Variants in WDR33 observed in about 807,000 individuals in gnomAD.
WDR33 encodes the protein pre-mRNA 3' end processing protein WDR33.
Under a neutral mutation model 164.9 loss-of-function variants are expected in WDR33, and 47 were observed. That is an observed-to-expected ratio of 0.29 (90% CI 0.23 to 0.36). The LOEUF is 0.36. Ranked by LOEUF, WDR33 falls within the 10% of genes least tolerant of loss-of-function variation. The pLI, the probability that WDR33 is intolerant of heterozygous loss-of-function variation, is 1.00. For missense variants in WDR33, 1,137 were observed against 1,754.1 expected (o/e 0.65, Z 6.28); for synonymous variants, 505 against 589.0 (o/e 0.86, Z 2.06).
At position 127,764,259 on chromosome 2, in the gene WDR33, A is replaced by G. The variant is rs1397846670; in HGVS notation, c.626+569T>C. On this transcript the variant is annotated intron_variant, in intron 6 of 21. Transcript: ENST00000322313. The surrounding 1 kb of genome is among the most constrained non-coding windows in gnomAD (Gnocchi z 6.2). The stretch of plus-strand genomic sequence containing the variant: ...AGAAAAGTCCTAGAGTCTTCTTGAC[A>G]ATGATCTGCTTACAGCTGCAAAGCT... 4 of 1,201,818 alleles carry G rather than the reference A, an allele frequency of 3.3e-6. No homozygotes were observed. The highest frequency in any genetic ancestry group is 1.0e-6 in the Non-Finnish European group (1 of 966,570). 74.4% of individuals were successfully genotyped at this position (1,201,818 alleles called of 1,614,324 possible).
rs573015934 is a variant in WDR33, at chr2:127,764,974, G to A, written c.480C>T (p.His160=). The part of the protein sequence containing the change: ...TFNFETILQA[H]DSPVRAMTWS... Reference sequence around the variant, plus strand: ...ACGTCATGGCCCTCACTGGGCTGTCGTGAGCCTGTGAAAGCAGAAAACATT... The same window carrying A: ...ACGTCATGGCCCTCACTGGGCTGTCATGAGCCTGTGAAAGCAGAAAACATT... The change falls in exon 6 of 22, where the codon CAC becomes CAT. Residue 160 remains histidine (H), a synonymous_variant. Transcript: ENST00000322313. The surrounding 1 kb of genome is among the most constrained non-coding windows in gnomAD (Gnocchi z 6.2). 19 of 1,613,416 alleles carry A rather than the reference G, an allele frequency of 1.2e-5. No individual in the cohort carries two copies. The highest frequency in any genetic ancestry group is 1.6e-5 in the Non-Finnish European group (19 of 1,179,766).
Position 127,738,103 on chromosome 2 carries a change from GTATC to G in WDR33, c.725-11330_725-11327del. 1 of 1,545,304 alleles carries G rather than the reference GTATC, an allele frequency of 6.5e-7. No homozygotes were observed. Among genetic ancestry groups the G allele is most frequent in the Non-Finnish European group, 8.7e-7 (1 of 1,144,176 alleles). On this transcript the variant is annotated intron_variant, in intron 7 of 21. Transcript: ENST00000322313. This position sits in a 1 kb window ranked among gnomAD's most constrained non-coding sequence, Gnocchi z 4.4. ...GAACTCTTAAATACTGTGCAGGCAGGTATCTATCACATGAGCCCTGGCAGATTGT... is the reference window on the plus strand; with the variant it reads ...GAACTCTTAAATACTGTGCAGGCAGGTATCACATGAGCCCTGGCAGATTGT...
chr2:127,810,136 C>G (rs1689597521), intron 1 of WDR33, among the ~76,000 whole-genome samples: 1 of 152,142 alleles, frequency 6.6e-6, no homozygotes, highest in Non-Finnish European at 1.5e-5. Flanking sequence ...AAAGTCTACG[C>G]TCCCCAGAGT....
rs1686503606 is a variant in WDR33, at chr2:127,723,984, G to A, written c.1196+349C>T. ...CTCAGCTACTCAGGAGGCTGAGGTA[G>A]GAGGATCACCTGAGCCCAGGAAGGT... On this transcript the variant is annotated intron_variant, in intron 11 of 21. Coordinates refer to ENST00000322313, the MANE Select transcript of WDR33 (RefSeq NM_018383.5). The surrounding 1 kb of genome is among the most constrained non-coding windows in gnomAD (Gnocchi z 5.9). 2.6e-5 allele frequency among the ~76,000 whole-genome samples: 4 copies of A among 152,088 alleles called. No homozygotes were observed. The South Asian group carries it at 8.3e-4, about 31-fold the overall frequency.
chr2:127,722,097 T>C lies in WDR33; in HGVS notation c.1519-109A>G. ...CTGCTCAATCTAACCTCTGAACCGA[T>C]TTTATTTCTTTTTACCTTTTCTCCA... On this transcript the variant is annotated intron_variant, in intron 14 of 21. Transcript: ENST00000322313. This position sits in a 1 kb window ranked among gnomAD's most constrained non-coding sequence, Gnocchi z 5.1. 1 of 1,233,832 alleles carries C rather than the reference T, an allele frequency of 8.1e-7. No homozygotes were observed. The highest frequency in any genetic ancestry group is 1.1e-6 in the Non-Finnish European group (1 of 899,918). 76.4% of individuals were successfully genotyped at this position (1,233,832 alleles called of 1,614,324 possible).
rs201983432 is a variant in WDR33, at chr2:127,730,894, C to T, written c.725-4117G>A. Reference sequence around the variant, plus strand: ...TATATTTTGTGTGTGTGTGAACTCTCGATTTTTTTTGTTTGTTTGTTTGTT... The same window carrying T: ...TATATTTTGTGTGTGTGTGAACTCTTGATTTTTTTTGTTTGTTTGTTTGTT... On this transcript the variant is annotated intron_variant, in intron 7 of 21. Transcript: ENST00000322313. Among the ~76,000 whole-genome samples the T allele has an allele frequency of 2.6e-5, 4 of 150,988 alleles. No individual in the cohort carries two copies. In the East Asian group the frequency reaches 7.8e-4, roughly 29 times the overall value.
chr2:127,769,363 G>T (rs983463825), intron 2 of WDR33, among the ~76,000 whole-genome samples: 1 of 151,910 alleles, frequency 6.6e-6, no homozygotes, highest in Admixed American at 6.6e-5. Context: ...CCAGGGAGGC[G>T]GAGGTTGCAG....
intron 1 of WDR33, among the ~76,000 whole-genome samples, chr2:127,807,270 T>C (rs1689473558): frequency 6.6e-6 from 1 of 152,152 alleles, no homozygotes; most frequent in Non-Finnish European, 1.5e-5. Flanking sequence ...CCTCCCAAAG[T>C]GCTGGGATTA....
intron 2 of WDR33, among the ~76,000 whole-genome samples, chr2:127,769,938 T>C (rs1687943591): frequency 6.6e-6 from 1 of 152,192 alleles, no homozygotes; most frequent in Non-Finnish European, 1.5e-5. Flanking sequence ...CTGCCTTGCC[T>C]TTACTTACTA....
At chr2:127,788,405 G>A (rs1325702091) in intron 1 of WDR33, among the ~76,000 whole-genome samples, 1 of 124,406 alleles carries the variant, frequency 8.0e-6, no homozygotes, top group Non-Finnish European at 1.7e-5. Context: ...CGGACGGGGC[G>A]GCTGGCCGGG....
chr2:127,729,791 G>A (rs955324124), intron 7 of WDR33, among the ~76,000 whole-genome samples: 1 of 152,126 alleles, frequency 6.6e-6, no homozygotes, highest in Non-Finnish European at 1.5e-5. Context: ...CACTGCACCC[G>A]GCCAACTATT....
At chr2:127,766,055 C>A (rs1205320970) in intron 4 of WDR33, among the ~76,000 whole-genome samples, 36 of 152,106 alleles carry the variant, frequency 2.4e-4, no homozygotes, top group Admixed American at 2.4e-3. Flanking sequence ...GCACTTAAGG[C>A]CCTTTAAATA....
intron 7 of WDR33, among the ~76,000 whole-genome samples, chr2:127,732,927 T>C (rs1686746246): frequency 6.6e-6 from 1 of 152,228 alleles, no homozygotes; most frequent in African/African-American, 2.4e-5. Context: ...ATTTCATTTC[T>C]GAGGTACAGA....
intron 1 of WDR33, among the ~76,000 whole-genome samples, chr2:127,777,258 T>C (rs981736935): frequency 2.6e-5 from 4 of 152,230 alleles, no homozygotes; most frequent in African/African-American, 4.8e-5. Flanking sequence ...CTACTTTACA[T>C]GCATACACTG....
chr2:127,782,845 T>A (rs988432448), intron 1 of WDR33, among the ~76,000 whole-genome samples: 4 of 151,992 alleles, frequency 2.6e-5, no homozygotes, highest in African/African-American at 9.7e-5. Flanking sequence ...CCATCTCTAC[T>A]AAAAATACAA....
intron 1 of WDR33, among the ~76,000 whole-genome samples, chr2:127,801,815 CG>C (rs760388299): frequency 2.0e-5 from 3 of 151,888 alleles, no homozygotes; most frequent in African/African-American, 7.3e-5. Context: ...ACCCAGGAGA[CG>C]GATGCTGCAG....
chr2:127,801,291 AAC>A (rs1175032675), intron 1 of WDR33, among the ~76,000 whole-genome samples: 7 of 152,018 alleles, frequency 4.6e-5, no homozygotes, highest in African/African-American at 1.4e-4. Context: ...TCAGAGGAAA[AAC>A]ACACACAGAC....
chr2:127,702,021 A>G lies in WDR33; in HGVS notation c.*4302T>C, dbSNP rs764196475. On this transcript the variant is annotated 3_prime_UTR_variant, in exon 22 of 22. Coordinates refer to ENST00000322313, the MANE Select transcript of WDR33 (RefSeq NM_018383.5). ...GCTGTTCGCCGCGCTGGGCCTTCGC[A>G]GCACGCTGCTCACGGTGCTGGGCGC... is the stretch of plus-strand genomic sequence containing the variant. 238 of 1,296,444 alleles carry G rather than the reference A, an allele frequency of 1.8e-4. No individual in the cohort carries two copies. Among genetic ancestry groups the G allele is most frequent in the Admixed American group, 3.4e-4 (8 of 23,606 alleles). The allele number at this position is 1,296,444 out of a possible 1,614,324, so 80.3% of individuals were successfully genotyped here. A position where few individuals can be genotyped will look rare whatever the true frequency, so the allele number is the denominator to read the frequency against.
chr2:127,748,028 A>G (rs527931563), intron 7 of WDR33, among the ~76,000 whole-genome samples: 7 of 152,300 alleles, frequency 4.6e-5, no homozygotes, highest in Admixed American at 3.9e-4. Flanking sequence ...ACAAAATACA[A>G]AATTCTCTTT....
Sources: allele counts gnomAD v4.1 joint callset (sites outside exome capture counted in the v4.1 genomes callset), GRCh38; gene constraint gnomAD v4.1.1; non-coding constraint Gnocchi (gnomAD v3.1); transcripts MANE v1.5; gene names NCBI Gene and HGNC (gene_info 2026-07-23, HGNC 2026-07-21).